The following SCAPER variants were observed in gnomAD, a reference collection of about 807,000 sequenced individuals.
SCAPER encodes S phase cyclin A-associated protein in the endoplasmic reticulum.
In SCAPER, 98 loss-of-function variants were observed where a neutral mutation model predicts 182.2. That is an observed-to-expected ratio of 0.54 (90% CI 0.46 to 0.64). The LOEUF is 0.64. SCAPER is among the 30% of genes least tolerant of loss of function. SCAPER has a pLI of 0.00. For missense variants in SCAPER, 1,432 were observed against 1,690.0 expected (o/e 0.85, Z 2.68); for synonymous variants, 605 against 564.6 (o/e 1.07, Z -1.01).
At chr15:76,729,929 C>T (rs2060821008) in intron 16 of SCAPER, among the ~76,000 whole-genome samples, 1 of 152,040 alleles carries the variant, frequency 6.6e-6, no homozygotes, top group Non-Finnish European at 1.5e-5. Context: ...GCACTCACAA[C>T]CTCTCGGTAG....
In SCAPER at chr15:76,635,103, T is replaced by A. The variant is rs2053479878; in HGVS notation, c.2646-13274A>T. Reference sequence around the variant, plus strand: ...GAAATAAATCTGAGCTCTATATACATTTAAGAAAAATTAATGAAAACAAGG... The same window carrying A: ...GAAATAAATCTGAGCTCTATATACAATTAAGAAAAATTAATGAAAACAAGG... On this transcript the variant is annotated intron_variant, in intron 21 of 31. Transcript: ENST00000563290. Among the ~76,000 whole-genome samples the A allele has an allele frequency of 3.9e-5, 6 of 152,140 alleles. No homozygotes were observed. The South Asian group carries it at 1.2e-3, about 32-fold the overall frequency.
chr15:76,671,487 GAAGT>G (rs1487832725), intron 20 of SCAPER, among the ~76,000 whole-genome samples: 3 of 151,952 alleles, frequency 2.0e-5, no homozygotes, highest in African/African-American at 7.2e-5. Flanking sequence ...CCTCCAAATA[GAAGT>G]GAGTGTGGTG....
In SCAPER at chr15:76,608,985, G is replaced by C. The variant is rs553348876; in HGVS notation, c.2711+12779C>G. On this transcript the variant is annotated intron_variant, in intron 22 of 31. Coordinates refer to ENST00000563290, the MANE Select transcript of SCAPER (RefSeq NM_020843.4). ...CCTTGTGCTTCCTGGGTGAGGCGATGCCTCGCCCTGCTTCGGCTCGCGCAC... is the reference window on the plus strand; with the variant it reads ...CCTTGTGCTTCCTGGGTGAGGCGATCCCTCGCCCTGCTTCGGCTCGCGCAC... 7.5e-4 allele frequency among the ~76,000 whole-genome samples: 115 copies of C among 152,324 alleles called. 1 individual carries two copies. Among genetic ancestry groups the C allele is most frequent in the Middle Eastern group, 6.8e-3 (2 of 294 alleles).
chr15:76,714,938 T>C (rs1220985365), intron 17 of SCAPER, among the ~76,000 whole-genome samples: 1 of 151,930 alleles, frequency 6.6e-6, no homozygotes, highest in Non-Finnish European at 1.5e-5. Context: ...TATAGAATTA[T>C]TTCCATATTA....
At chr15:76,377,715 G>T (rs542917559) in intron 28 of SCAPER, among the ~76,000 whole-genome samples, 1 of 152,278 alleles carries the variant, frequency 6.6e-6, no homozygotes, top group South Asian at 2.1e-4. Context: ...AGCCTTATTG[G>T]TATACAATGA....
chr15:76,373,877 G>T (rs950241006), intron 29 of SCAPER, among the ~76,000 whole-genome samples: 1 of 151,826 alleles, frequency 6.6e-6, no homozygotes, highest in Non-Finnish European at 1.5e-5. Flanking sequence ...TGTGACTTCC[G>T]AGTTCTTGGG....
chr15:76,706,023 AAAGT>A (rs1283087174), intron 17 of SCAPER, 39 bp from the exon 18 acceptor site: 1 of 1,459,886 alleles, frequency 6.8e-7, no homozygotes, highest in East Asian at 2.5e-5. Context: ...TCAACTGCTT[AAAGT>A]AACAAATCTC....
At chr15:76,366,376 A>G (rs978841876) in intron 29 of SCAPER, among the ~76,000 whole-genome samples, 1 of 152,358 alleles carries the variant, frequency 6.6e-6, no homozygotes, top group Admixed American at 6.5e-5. Flanking sequence ...TAGCTGCCAG[A>G]CAGCATGGAT....
intron 28 of SCAPER, chr15:76,380,116 C>T (rs2042855232): frequency 6.6e-6 from 1 of 152,126 alleles, no homozygotes; most frequent in South Asian, 2.1e-4. Flanking sequence ...AGTTAAGGTT[C>T]CCTGATTTCC....
At chr15:76,480,589 G>A (rs762755384) in intron 24 of SCAPER, among the ~76,000 whole-genome samples, 14 of 152,158 alleles carry the variant, frequency 9.2e-5, no homozygotes, top group Admixed American at 8.5e-4. Flanking sequence ...TCATTCTGTC[G>A]GGACCCCTCA....
At chr15:76,853,260 C>T (rs550437394) in intron 4 of SCAPER, among the ~76,000 whole-genome samples, 1 of 152,272 alleles carries the variant, frequency 6.6e-6, no homozygotes, top group Admixed American at 6.5e-5. Flanking sequence ...CAAAGAAAAG[C>T]TGGTACTATT....
chr15:76,676,955 G>GTCTTT (rs1348474969), intron 20 of SCAPER, among the ~76,000 whole-genome samples: 2 of 151,746 alleles, frequency 1.3e-5, no homozygotes, highest in African/African-American at 4.8e-5. Flanking sequence ...TATCTTTCAA[G>GTCTTT]TAAAGAGGGT....
chr15:76,713,071 G>C (rs1017559545), intron 17 of SCAPER, among the ~76,000 whole-genome samples: 1 of 152,072 alleles, frequency 6.6e-6, no homozygotes, highest in African/African-American at 2.4e-5. Context: ...TATTGGCTGT[G>C]GGTTTGTCAT....
intron 6 of SCAPER, among the ~76,000 whole-genome samples, chr15:76,801,895 T>A (rs1183767374): frequency 1.4e-5 from 2 of 143,246 alleles, no homozygotes; most frequent in Non-Finnish European, 3.0e-5. Context: ...GGTTAAAGAG[T>A]AAGACTCTGT....
chr15:76,704,359 G>A (rs2059129797), intron 18 of SCAPER, among the ~76,000 whole-genome samples: 2 of 152,112 alleles, frequency 1.3e-5, no homozygotes, highest in South Asian at 4.1e-4. Flanking sequence ...GGCTTTTGTG[G>A]CCATTGCTTT....
chr15:76,639,373 G>A (rs1343918954), intron 21 of SCAPER, among the ~76,000 whole-genome samples: 1 of 152,136 alleles, frequency 6.6e-6, no homozygotes, highest in Non-Finnish European at 1.5e-5. Flanking sequence ...TTATATCATA[G>A]ATTTAACTCC....
intron 7 of SCAPER, among the ~76,000 whole-genome samples, chr15:76,796,230 A>T (rs1281396322): frequency 6.6e-6 from 1 of 152,120 alleles, no homozygotes; most frequent in Non-Finnish European, 1.5e-5. Context: ...AAATTCAGTG[A>T]TGTCTATTAT....
chr15:76,779,742 T>C (rs1423057920), intron 8 of SCAPER, among the ~76,000 whole-genome samples: 3 of 151,318 alleles, frequency 2.0e-5, no homozygotes, highest in African/African-American at 7.3e-5. Flanking sequence ...TACAAAAAAA[T>C]TAAATGACTT....
intron 15 of SCAPER, among the ~76,000 whole-genome samples, chr15:76,740,434 T>G (rs1426278107): frequency 6.6e-6 from 1 of 152,202 alleles, no homozygotes; most frequent in African/African-American, 2.4e-5. Context: ...ATATCCTTAT[T>G]AAATCATAAA....
Sources: gnomAD v4.1 joint callset for allele counts (sites outside exome capture counted in the v4.1 genomes callset) on GRCh38, gnomAD v4.1.1 for gene constraint, MANE v1.5 for transcripts, NCBI Gene and HGNC (gene_info 2026-07-23, HGNC 2026-07-21) for gene names.